The following NPAS2 variants were observed in gnomAD, a reference collection of about 807,000 sequenced individuals.
NPAS2 encodes the protein neuronal PAS domain-containing protein 2.
A neutral mutation model predicts 107.5 loss-of-function variants in NPAS2; 23 were observed. The observed-to-expected ratio is 0.21, with a 90% CI of 0.15 to 0.30. NPAS2 has a LOEUF of 0.30. Among genes scored for constraint, NPAS2 ranks in the 10% least tolerant of loss-of-function variants. The pLI, the probability that NPAS2 is intolerant of heterozygous loss-of-function variation, is 1.00. For missense variants in NPAS2, 756 were observed against 1,043.3 expected (o/e 0.72, Z 3.79); for synonymous variants, 403 against 417.5 (o/e 0.97, Z 0.42).
intron 2 of NPAS2, among the ~76,000 whole-genome samples, chr2:100,905,867 A>G (rs2104781062): frequency 6.6e-6 from 1 of 152,284 alleles, no homozygotes; most frequent in Non-Finnish European, 1.5e-5. Context: ...CTGTCGTTCC[A>G]TGTCACCTGG....
intron 12 of NPAS2, among the ~76,000 whole-genome samples, chr2:100,971,298 CA>C (rs35040339): frequency 0.16 from 16,301 of 102,074 alleles, 903 homozygotes; most frequent in Middle Eastern, 0.19. Flanking sequence ...GACTCTATCT[CA>C]AAAAAAAAAA....
At chr2:100,923,520 C>A (rs1252439876) in intron 2 of NPAS2, among the ~76,000 whole-genome samples, 1 of 152,116 alleles carries the variant, frequency 6.6e-6, no homozygotes, top group Non-Finnish European at 1.5e-5. Context: ...ATACTGTTAC[C>A]TATAGATACT....
intron 1 of NPAS2, among the ~76,000 whole-genome samples, chr2:100,873,251 CAAAAAA>C (rs57848948): frequency 5.1e-5 from 3 of 58,892 alleles, no homozygotes; most frequent in South Asian, 8.0e-4. Flanking sequence ...GACTTCATCT[CAAAAAA>C]AAAAAAAAAA....
intron 2 of NPAS2, among the ~76,000 whole-genome samples, chr2:100,917,365 TA>T (rs1682952553): frequency 6.6e-6 from 1 of 151,942 alleles, no homozygotes; most frequent in South Asian, 2.1e-4. Context: ...CCGTCTCTAC[TA>T]AAAATACAAA....
Position 100,829,290 on chromosome 2 carries a change from C to T in NPAS2, c.-23+8876C>T, listed in dbSNP as rs535657167. On this transcript the variant is annotated intron_variant, in intron 1 of 20. Coordinates refer to ENST00000335681, the MANE Select transcript of NPAS2 (RefSeq NM_002518.4). ...ACCTCAGCCTCCTGAGTAGTTGGGA[C>T]TACAGGCACGCACCACCATGCCTGG... is the stretch of plus-strand genomic sequence containing the variant. Among the ~76,000 whole-genome samples the T allele has an allele frequency of 1.3e-5, 2 of 151,518 alleles. 1 individual carries two copies. Among genetic ancestry groups the T allele is most frequent in the Admixed American group, 1.3e-4 (2 of 15,192 alleles).
At position 100,968,557 on chromosome 2, in the gene NPAS2, C is replaced by A; in HGVS notation, c.1055+129C>A. ...GGTGTTCCCCATTTCGAAGATGAAG[C>A]CCAGGCCATCCCCTGCCGTTAACAG... On this transcript the variant is annotated intron_variant, in intron 11 of 20. Coordinates refer to ENST00000335681, the MANE Select transcript of NPAS2 (RefSeq NM_002518.4). This position sits in a 1 kb window ranked among gnomAD's most constrained non-coding sequence, Gnocchi z 5.3. 1 of 830,322 alleles carries A rather than the reference C, an allele frequency of 1.2e-6. No homozygotes were observed. The highest frequency in any genetic ancestry group is 2.7e-5 in the East Asian group (1 of 37,162). The allele number at this position is 830,322 out of a possible 1,614,324, so 51.4% of individuals were successfully genotyped here. A position where few individuals can be genotyped will look rare whatever the true frequency, so the allele number is the denominator to read the frequency against.
At chr2:100,917,309 T>TC (rs1682947425) in intron 2 of NPAS2, among the ~76,000 whole-genome samples, 1 of 152,102 alleles carries the variant, frequency 6.6e-6, no homozygotes, top group African/African-American at 2.4e-5. Context: ...AGGGGATCAT[T>TC]TGAGGTCAGG....
intron 15 of NPAS2, among the ~76,000 whole-genome samples, chr2:100,979,412 C>T (rs1008095371): frequency 7.0e-6 from 1 of 142,250 alleles, no homozygotes; most frequent in Non-Finnish European, 1.5e-5. Context: ...GATGCAGTCT[C>T]TTTTGGAATT....
intron 6 of NPAS2, 147 bp downstream of exon 6, chr2:100,948,502 T>G (rs1250085010): frequency 2.6e-6 from 2 of 769,422 alleles, no homozygotes; most frequent in African/African-American, 3.6e-5. Flanking sequence ...TAGAGGTATA[T>G]TTTAGGTTTA....
At chr2:100,935,098 A>C (rs185985209) in intron 4 of NPAS2, 1 of 983,602 alleles carries the variant, frequency 1.0e-6, no homozygotes, top group African/African-American at 1.8e-5. Context: ...GGCTGAAAAA[A>C]CAAAATTGAC....
At chr2:100,896,412 G>A (rs1001809354) in intron 1 of NPAS2, among the ~76,000 whole-genome samples, 8 of 152,336 alleles carry the variant, frequency 5.3e-5, no homozygotes, top group Non-Finnish European at 7.3e-5. Context: ...TGTGTCTGTG[G>A]GCAGGCCACT....
intron 4 of NPAS2, among the ~76,000 whole-genome samples, chr2:100,937,206 T>C (rs980430361): frequency 6.6e-6 from 1 of 152,172 alleles, no homozygotes; most frequent in Non-Finnish European, 1.5e-5. Flanking sequence ...TAGAGTAATG[T>C]GAATGTTCTT....
At chr2:100,894,990 G>GT in intron 1 of NPAS2, among the ~76,000 whole-genome samples, 1 of 152,212 alleles carries the variant, frequency 6.6e-6, no homozygotes, top group Admixed American at 6.5e-5. Flanking sequence ...CTTTTAAAAT[G>GT]TAAGATGGAG....
At chr2:100,890,554 C>A (rs1680986972) in intron 1 of NPAS2, among the ~76,000 whole-genome samples, 1 of 152,006 alleles carries the variant, frequency 6.6e-6, no homozygotes, top group South Asian at 2.1e-4. Flanking sequence ...GAGGAGCCAG[C>A]CACTCAGAGC....
chr2:100,909,499 T>C (rs1350612592), intron 2 of NPAS2, among the ~76,000 whole-genome samples: 1 of 152,224 alleles, frequency 6.6e-6, no homozygotes, highest in African/African-American at 2.4e-5. Context: ...CTGTAGCCCT[T>C]TTGGAGGACT....
chr2:100,890,777 T>A (rs62152889), intron 1 of NPAS2, among the ~76,000 whole-genome samples: 29,881 of 151,642 alleles, frequency 0.2, 3,897 homozygotes, highest in Non-Finnish European at 0.28. Context: ...GAAGGAAGAG[T>A]GCTCCTTGCT....
intron 7 of NPAS2, among the ~76,000 whole-genome samples, chr2:100,952,564 C>CA (rs371082912): frequency 0.029 from 4,214 of 144,148 alleles, 203 homozygotes; most frequent in African/African-American, 0.099. Flanking sequence ...AACTCTGTCT[C>CA]AAAAAAAAAA....
rs751341349 is a variant in NPAS2 at position 100,988,079 on chromosome 2, A to G, written c.1630A>G (p.Met544Val). The change falls in exon 17 of 21, where the codon ATG (methionine) becomes GTG (valine). Residue 544 changes from methionine to valine, a missense_variant and splice_region_variant. Met to Val is a conservative substitution (Grantham distance 21). Coordinates refer to ENST00000335681, the MANE Select transcript of NPAS2 (RefSeq NM_002518.4). ...LCLVQDSNVQ[M>V]FLQQPAVSLS... ...ACAGGCATTTCTATTCTGCTCCCAG[A>G]TGTTCCTGCAGCAGCCAGCTGTATC... is the stretch of plus-strand genomic sequence containing the variant. 4.3e-6 allele frequency: 7 copies of G among 1,613,816 alleles called. 1 individual carries two copies. In the Admixed American group the frequency reaches 1.2e-4, roughly 27 times the overall value.
intron 3 of NPAS2, among the ~76,000 whole-genome samples, chr2:100,931,414 C>A (rs534015182): frequency 6.6e-6 from 1 of 151,576 alleles, no homozygotes; most frequent in Admixed American, 6.6e-5. Flanking sequence ...CTGGTGGAGA[C>A]GAGCACTGCT....
Sources: allele counts gnomAD v4.1 joint callset (sites outside exome capture counted in the v4.1 genomes callset), GRCh38; gene constraint gnomAD v4.1.1; non-coding constraint Gnocchi (gnomAD v3.1); transcripts MANE v1.5; gene names NCBI Gene and HGNC (gene_info 2026-07-23, HGNC 2026-07-21).